Variants in XKR9 observed in about 807,000 individuals in gnomAD.
XKR9 encodes the protein XK related 9, also known as XK-related protein 9.
In XKR9, 32 loss-of-function variants were observed where a neutral mutation model predicts 32.0. The observed-to-expected ratio is 1.00, with a 90% CI of 0.76 to 1.34. The LOEUF is 1.34. XKR9 is among the 40% of genes most tolerant of loss of function. The pLI is 0.00. For missense variants in XKR9, 546 were observed against 429.7 expected (o/e 1.27, Z -2.39); for synonymous variants, 168 against 143.4 (o/e 1.17, Z -1.22).
the XKR9 span, among the ~76,000 whole-genome samples, chr8:70,804,194 G>A: frequency 9.9e-5 from 15 of 152,232 alleles, no homozygotes; most frequent in African/African-American, 3.1e-4. Context: ...TGGTTCAGAT[G>A]CTCTAGCAGT....
At chr8:70,984,676 C>G in the XKR9 span, among the ~76,000 whole-genome samples, 1 of 152,162 alleles carries the variant, frequency 6.6e-6, no homozygotes, top group East Asian at 1.9e-4. Flanking sequence ...TAGTGTTGAC[C>G]TCATTTGCCC....
At chr8:70,945,661 C>G in the XKR9 span, among the ~76,000 whole-genome samples, 7 of 152,042 alleles carry the variant, frequency 4.6e-5, no homozygotes, top group Admixed American at 2.0e-4. Context: ...AGTATGCATT[C>G]TTATTATCTT....
chr8:70,854,966 G>C, the XKR9 span, among the ~76,000 whole-genome samples: 2 of 152,086 alleles, frequency 1.3e-5, no homozygotes, highest in African/African-American at 4.8e-5. Context: ...GATGCCTCCA[G>C]CTTTGTTCTT....
At chr8:70,812,241 AC>A in the XKR9 span, among the ~76,000 whole-genome samples, 41 of 152,184 alleles carry the variant, frequency 2.7e-4, no homozygotes, top group Admixed American at 9.8e-4. Flanking sequence ...AAATTCAACA[AC>A]CCTTCATGGT....
downstream of XKR9, among the ~76,000 whole-genome samples, chr8:70,737,352 C>A (rs2130150322): frequency 6.8e-6 from 1 of 147,636 alleles, no homozygotes; most frequent in South Asian, 2.1e-4. Context: ...TGCTTATCAG[C>A]TTAAGGAGAT....
At chr8:70,769,453 C>G (rs1160364948) in intron 2 of XKR9, among the ~76,000 whole-genome samples, 1 of 151,860 alleles carries the variant, frequency 6.6e-6, no homozygotes. Flanking sequence ...TAATGATGTT[C>G]CCTGTATTTC....
the XKR9 span, among the ~76,000 whole-genome samples, chr8:70,857,857 A>G: frequency 2.0e-5 from 3 of 152,204 alleles, no homozygotes; most frequent in Non-Finnish European, 4.4e-5. Flanking sequence ...AGAACCAATG[A>G]CAAAAACCAC....
intron 2 of XKR9, among the ~76,000 whole-genome samples, chr8:70,675,193 G>A (rs991160804): frequency 1.2e-4 from 18 of 152,170 alleles, no homozygotes; most frequent in African/African-American, 3.9e-4. Flanking sequence ...TTGGGAGGCT[G>A]AGGTGGGTGG....
At chr8:70,965,676 C>T in the XKR9 span, among the ~76,000 whole-genome samples, 1 of 152,138 alleles carries the variant, frequency 6.6e-6, no homozygotes, top group African/African-American at 2.4e-5. Context: ...CTGACTCAGT[C>T]TTGGGATAGT....
chr8:71,057,867 G>A, the XKR9 span, among the ~76,000 whole-genome samples: 1 of 152,118 alleles, frequency 6.6e-6, no homozygotes. Context: ...CTGAGCCTTT[G>A]GGAGTTATAT....
rs992277075 is a variant in XKR9 at position 70,723,955 on chromosome 8, C to T, written c.494-9841C>T. Among the ~76,000 whole-genome samples the T allele has an allele frequency of 6.1e-5, 9 of 147,406 alleles. No individual in the cohort carries two copies. The East Asian group carries it at 1.2e-3, about 19-fold the overall frequency. On this transcript the variant is annotated intron_variant, in intron 4 of 4. Transcript: ENST00000408926. ...GGCGGGAGTGCAGTGGCGGTGGGAA[C>T]GTTTTTAAGTCCGCTGAAACTGCAC...
chr8:70,772,970 G>A (rs1175927573), intron 2 of XKR9, among the ~76,000 whole-genome samples: 1 of 152,114 alleles, frequency 6.6e-6, no homozygotes. Context: ...ATGTCCATTG[G>A]CTTGTTGGGA....
At chr8:70,863,693 T>A in the XKR9 span, among the ~76,000 whole-genome samples, 1 of 152,160 alleles carries the variant, frequency 6.6e-6, no homozygotes, top group African/African-American at 2.4e-5. Flanking sequence ...TAGGACACTA[T>A]CTCAGTAGTC....
At chr8:70,742,354 G>A (rs933192491) in intron 2 of XKR9, among the ~76,000 whole-genome samples, 1 of 152,208 alleles carries the variant, frequency 6.6e-6, no homozygotes, top group Non-Finnish European at 1.5e-5. Context: ...GTTTCTGCAT[G>A]TTTGGTGTAT....
At chr8:71,057,443 G>A in the XKR9 span, among the ~76,000 whole-genome samples, 1 of 152,080 alleles carries the variant, frequency 6.6e-6, no homozygotes, top group African/African-American at 2.4e-5. Context: ...TCAATCAAAG[G>A]CCCTGGACAT....
intron 2 of XKR9, among the ~76,000 whole-genome samples, chr8:70,781,633 AC>A (rs1400516502): frequency 6.6e-6 from 1 of 151,314 alleles, no homozygotes; most frequent in African/African-American, 2.4e-5. Flanking sequence ...AGCCATTCTA[AC>A]TGGGGTGAGA....
At chr8:71,011,778 G>A in the XKR9 span, among the ~76,000 whole-genome samples, 4 of 152,118 alleles carry the variant, frequency 2.6e-5, no homozygotes, top group Non-Finnish European at 4.4e-5. Flanking sequence ...CCAGCATTAT[G>A]GGGGGAAACT....
chr8:70,950,642 T>C, the XKR9 span, among the ~76,000 whole-genome samples: 1 of 151,626 alleles, frequency 6.6e-6, no homozygotes, highest in Admixed American at 6.6e-5. Flanking sequence ...AGCTCTTCCC[T>C]TTTCTCTTTC....
chr8:71,055,282 G>A, the XKR9 span, among the ~76,000 whole-genome samples: 1 of 152,214 alleles, frequency 6.6e-6, no homozygotes, highest in African/African-American at 2.4e-5. Flanking sequence ...GGTATTTGAA[G>A]TATAGGATCA....
Sources: gnomAD v4.1 joint callset for allele counts (sites outside exome capture counted in the v4.1 genomes callset) on GRCh38, gnomAD v4.1.1 for gene constraint, MANE v1.5 for transcripts, NCBI Gene and HGNC (gene_info 2026-07-23, HGNC 2026-07-21) for gene names.